The following TINCR variants were observed in gnomAD, a reference collection of about 807,000 sequenced individuals.
TINCR encodes TINCR ubiquitin domain containing.
In TINCR at chr19:5,563,112, A is replaced by C. The variant is rs1298100308; in HGVS notation, c.261-163T>G. Among the ~76,000 whole-genome samples, 1 of 151,660 alleles carries C rather than the reference A, an allele frequency of 6.6e-6. No homozygotes were observed. The highest frequency in any genetic ancestry group is 1.9e-4 in the East Asian group (1 of 5,160). ...GGAGCAGAGTGAGGAAGGGGAAGAG[A>C]GGGAGGAGGAGCAAGCAGGGAGGGA... is the stretch of plus-strand genomic sequence containing the variant. On this transcript the variant is annotated intron_variant, in intron 1 of 1. Coordinates refer to ENST00000646160, the Ensembl canonical transcript of TINCR. This position sits in a 1 kb window ranked among gnomAD's most constrained non-coding sequence, Gnocchi z 4.7.
downstream of TINCR, chr19:5,562,194 T>A (rs958466131): frequency 5.9e-5 from 9 of 152,676 alleles, no homozygotes; most frequent in African/African-American, 2.2e-4. The surrounding 1 kb of genome is among the most constrained non-coding windows in gnomAD (Gnocchi z 4.4). Context: ...TGGCTCTGCC[T>A]CCTCCAACCC....
In TINCR at chr19:5,567,657, G is replaced by A. The variant is rs967914019; in HGVS notation, c.260+8C>T. ...CCCGCCCCACCCCACCCCGAGCCCCGCGGCCACCTGGGGTCGCTGACGAGC... is the reference window on the plus strand; with the variant it reads ...CCCGCCCCACCCCACCCCGAGCCCCACGGCCACCTGGGGTCGCTGACGAGC... On this transcript the variant is annotated splice_region_variant and intron_variant, in intron 1 of 1. Coordinates refer to ENST00000646160, the Ensembl canonical transcript of TINCR. 1.2e-4 allele frequency: 6 copies of A among 51,114 alleles called. No homozygotes were observed. Among genetic ancestry groups the A allele is most frequent in the African/African-American group, 6.3e-4 (6 of 9,458 alleles). 3.2% of individuals were successfully genotyped at this position (51,114 alleles called of 1,614,324 possible). A position where few individuals can be genotyped will look rare whatever the true frequency, so the allele number is the denominator to read the frequency against.
At chr19:5,558,238 G>A (rs2052081330), downstream of TINCR, 1 of 152,184 alleles carries the variant, frequency 6.6e-6, no homozygotes, top group South Asian at 2.1e-4. Context: ...TTCCAAGCTG[G>A]GTGATCCTGC....
chr19:5,559,745 C>A (rs942109654), downstream of TINCR: 1 of 152,172 alleles, frequency 6.6e-6, no homozygotes, highest in African/African-American at 2.4e-5. Context: ...ATTTTCTTGC[C>A]AAACCCTGAC....
At position 5,565,657 on chromosome 19, in the gene TINCR, C is replaced by T. The variant is rs1280840191; in HGVS notation, c.260+2008G>A. Among the ~76,000 whole-genome samples the T allele has an allele frequency of 2.0e-5, 3 of 152,124 alleles. No individual in the cohort carries two copies. Among genetic ancestry groups the T allele is most frequent in the Non-Finnish European group, 2.9e-5 (2 of 68,028 alleles). On this transcript the variant is annotated intron_variant, in intron 1 of 1. Transcript: ENST00000646160. This position sits in a 1 kb window ranked among gnomAD's most constrained non-coding sequence, Gnocchi z 4.0. ...TCCCTCATCATCCTCTCAGCCTCCC[C>T]GTCCCCGCTAAGATCTTCCCTCAAG... is the stretch of plus-strand genomic sequence containing the variant.
rs530488418 is a variant in TINCR at position 5,564,774 on chromosome 19, C to T, written c.261-1825G>A. ...TGTATTTTTAGTAGAGACAGCGTTT[C>T]GCCATGTTGGCCAGGCTGGTCTCGA... On this transcript the variant is annotated intron_variant, in intron 1 of 1. Coordinates refer to ENST00000646160, the Ensembl canonical transcript of TINCR. 2.3e-3 allele frequency among the ~76,000 whole-genome samples: 353 copies of T among 152,326 alleles called. 2 individuals are homozygous for T. The highest frequency in any genetic ancestry group is 3.5e-3 in the Non-Finnish European group (237 of 68,028).
downstream of TINCR, chr19:5,562,153 C>A (rs1271774301): frequency 6.6e-6 from 1 of 152,656 alleles, no homozygotes; most frequent in Non-Finnish European, 1.5e-5. This position sits in a 1 kb window ranked among gnomAD's most constrained non-coding sequence, Gnocchi z 4.4. Context: ...CCAGCCTATT[C>A]CTTCAGCCAG....
At chr19:5,567,621 C>G (rs1028651060) in intron 1 of TINCR, 44 bp downstream of exon 1, 18 of 337,898 alleles carry the variant, frequency 5.3e-5, no homozygotes, top group East Asian at 2.2e-4. Flanking sequence ...CAGGGGTCCC[C>G]GGCCGCCGCC....
At chr19:5,567,626 G>GCCTCCCCCCCCCCCCCCCCCCCCCCCC in intron 1 of TINCR, 39 bp downstream of exon 1, 2 of 202,442 alleles carry the variant, frequency 9.9e-6, no homozygotes, top group East Asian at 9.7e-5. Context: ...GTCCCCGGCC[G>GCCTCCCCCCCCCCCCCCCCCCCCCCCC]CCGCCCCCGC....
At chr19:5,567,733 G>A (rs1161595611) in exon 1 of TINCR, 1 of 391,872 alleles carries the variant, frequency 2.6e-6, no homozygotes, top group African/African-American at 2.1e-5. Flanking sequence ...TCTGGTGGTC[G>A]TCCAGCCGCC....
downstream of TINCR, chr19:5,561,801 T>A (rs1351856632): frequency 6.6e-6 from 1 of 152,080 alleles, no homozygotes; most frequent in Non-Finnish European, 1.5e-5. Flanking sequence ...CTCAATCCTT[T>A]ATTGTAAGGA....
chr19:5,567,068 GGA>G (rs757470127), intron 1 of TINCR, among the ~76,000 whole-genome samples: 2 of 151,656 alleles, frequency 1.3e-5, no homozygotes, highest in African/African-American at 4.9e-5. Flanking sequence ...AGACCAAAAT[GGA>G]GAGAGAGACA....
At chr19:5,558,908 G>A (rs1032835361), downstream of TINCR, 1 of 152,212 alleles carries the variant, frequency 6.6e-6, no homozygotes, top group Admixed American at 6.6e-5. Flanking sequence ...AAAAATGGAA[G>A]ATAGGGAGGG....
chr19:5,560,383 A>G (rs2052094951), downstream of TINCR: 1 of 152,190 alleles, frequency 6.6e-6, no homozygotes, highest in African/African-American at 2.4e-5. This position sits in a 1 kb window ranked among gnomAD's most constrained non-coding sequence, Gnocchi z 4.5. Context: ...ATTTCTTCCC[A>G]GCCTCTGGCG....
At position 5,563,129 on chromosome 19, in the gene TINCR, A is replaced by C. The variant is rs2052109834; in HGVS notation, c.261-180T>G. On this transcript the variant is annotated intron_variant, in intron 1 of 1. Transcript: ENST00000646160. This position sits in a 1 kb window ranked among gnomAD's most constrained non-coding sequence, Gnocchi z 4.7. ...GGGAAGAGAGGGAGGAGGAGCAAGC[A>C]GGGAGGGAATACAGCAGGTCATCCA... 6.6e-6 allele frequency among the ~76,000 whole-genome samples: 1 copy of C among 151,942 alleles called. No homozygotes were observed. Among genetic ancestry groups the C allele is most frequent in the South Asian group, 2.1e-4 (1 of 4,818 alleles).
intron 1 of TINCR, among the ~76,000 whole-genome samples, chr19:5,567,037 C>T (rs2052133353): frequency 6.6e-6 from 1 of 151,238 alleles, no homozygotes; most frequent in African/African-American, 2.4e-5. Context: ...TGGAGAGAGA[C>T]ACACAGAGAG....
In TINCR at chr19:5,565,859, T is replaced by A. The variant is rs905401104; in HGVS notation, c.260+1806A>T. ...GGGTAATTCACATGGCCCCCGTCCC[T>A]CTCCTGTTCAATGCTTCCAAGGAGG... On this transcript the variant is annotated intron_variant, in intron 1 of 1. Transcript: ENST00000646160. This position sits in a 1 kb window ranked among gnomAD's most constrained non-coding sequence, Gnocchi z 4.0. Among the ~76,000 whole-genome samples the A allele has an allele frequency of 2.0e-5, 3 of 152,070 alleles. No homozygotes were observed. The highest frequency in any genetic ancestry group is 7.2e-5 in the African/African-American group (3 of 41,400).
At position 5,565,997 on chromosome 19, in the gene TINCR, G is replaced by A. The variant is rs536558558; in HGVS notation, c.260+1668C>T. Among the ~76,000 whole-genome samples, 7 of 152,160 alleles carry A rather than the reference G, an allele frequency of 4.6e-5. No homozygotes were observed. Among genetic ancestry groups the A allele is most frequent in the South Asian group, 2.1e-4 (1 of 4,822 alleles). Reference sequence around the variant, plus strand: ...AGTGAGCTGTTCCCGTGGCCCCAGCGCCCTTCTCTGCAGACCCCTCCTTGG... The same window carrying A: ...AGTGAGCTGTTCCCGTGGCCCCAGCACCCTTCTCTGCAGACCCCTCCTTGG... On this transcript the variant is annotated intron_variant, in intron 1 of 1. Transcript: ENST00000646160. This position sits in a 1 kb window ranked among gnomAD's most constrained non-coding sequence, Gnocchi z 4.0.
chr19:5,564,940 C>T (rs2052120489), intron 1 of TINCR, among the ~76,000 whole-genome samples: 1 of 152,110 alleles, frequency 6.6e-6, no homozygotes. Context: ...GGACCTCACC[C>T]TGGTCTCCTG....
Sources: allele counts gnomAD v4.1 joint callset (sites outside exome capture counted in the v4.1 genomes callset), GRCh38; gene constraint gnomAD v4.1.1; non-coding constraint Gnocchi (gnomAD v3.1); transcripts MANE v1.5; gene names NCBI Gene and HGNC (gene_info 2026-07-23, HGNC 2026-07-21).